ADGRB2: variants seen among roughly 807,000 people sequenced by gnomAD.
ADGRB2 encodes the protein brain-specific angiogenesis inhibitor 2.
Under a neutral mutation model 178.7 loss-of-function variants are expected in ADGRB2, and 47 were observed. That is an observed-to-expected ratio of 0.26 (90% CI 0.21 to 0.34). The LOEUF is 0.34. Among genes scored for constraint, ADGRB2 ranks in the 10% least tolerant of loss-of-function variants. The probability of loss-of-function intolerance (pLI) is 1.00; values close to 1 mark genes in which losing one functional copy is unlikely to be tolerated. For synonymous variants in ADGRB2, 870 were observed against 912.4 expected (o/e 0.95, Z 0.84); for missense variants, 1,584 against 2,180.8 (o/e 0.73, Z 5.45).
intron 4 of ADGRB2, among the ~76,000 whole-genome samples, chr1:31,748,059 A>T (rs1038667606): frequency 2.0e-5 from 3 of 152,192 alleles, no homozygotes; most frequent in Admixed American, 2.0e-4. Flanking sequence ...CCAAATGCGG[A>T]CACGTGAGAG....
Position 31,735,459 on chromosome 1 carries a change from G to A in ADGRB2, c.3353+121C>T. 4.4e-6 allele frequency: 6 copies of A among 1,362,494 alleles called. No homozygotes were observed. The highest frequency in any genetic ancestry group is 1.2e-5 in the South Asian group (1 of 80,786). The allele number at this position is 1,362,494 out of a possible 1,614,324, so 84.4% of individuals were successfully genotyped here. On this transcript the variant is annotated intron_variant, in intron 24 of 32. Coordinates refer to ENST00000373658, the MANE Select transcript of ADGRB2 (RefSeq NM_001364857.2). The surrounding 1 kb of genome is among the most constrained non-coding windows in gnomAD (Gnocchi z 6.0). ...GGGTGCCCACCTTGCCTGCAACCTT[G>A]ATGCACCAAGGTTGGGGAGCCCCGG...
Position 31,728,270 on chromosome 1 carries a change from T to C in ADGRB2, c.4427A>G (p.His1476Arg). The change falls in exon 31 of 33, where the codon CAC becomes CGC. Residue 1476 changes from histidine (H) to arginine (R), a missense_variant. This residue lies in a region of ADGRB2 where 865 missense variants were observed against 1,192.8 expected (regional missense o/e 0.73). Transcript: ENST00000373658. This position sits in a 1 kb window ranked among gnomAD's most constrained non-coding sequence, Gnocchi z 6.7. The part of the protein sequence containing the change: ...YSDLDFEKVM[H>R]TRKRHSELYH... ...GAGTTCTGAATGCCGTTTCCGGGTG[T>C]GCATCACCTTCTAGGGGCCACAGGG... is the stretch of plus-strand genomic sequence containing the variant. The C allele has an allele frequency of 6.2e-7, 1 of 1,613,944 alleles. No homozygotes were observed.
Position 31,759,021 on chromosome 1 carries a change from C to T in ADGRB2, c.-190-1510G>A, listed in dbSNP as rs943480505. Among the ~76,000 whole-genome samples, 2 of 152,174 alleles carry T rather than the reference C, an allele frequency of 1.3e-5. No homozygotes were observed. Among genetic ancestry groups the T allele is most frequent in the Non-Finnish European group, 1.5e-5 (1 of 68,032 alleles). On this transcript the variant is annotated intron_variant, in intron 1 of 32. Coordinates refer to ENST00000373658, the MANE Select transcript of ADGRB2 (RefSeq NM_001364857.2). The surrounding 1 kb of genome is among the most constrained non-coding windows in gnomAD (Gnocchi z 4.3). The stretch of plus-strand genomic sequence containing the variant: ...AGGGGAGGTAGGGGCTCATTATAAC[C>T]GGCCTCCCCTCCCCCACTTACAGCA...
rs931092897 is a variant in ADGRB2 at position 31,753,102 on chromosome 1, G to A, written c.838+2897C>T. Among the ~76,000 whole-genome samples the A allele has an allele frequency of 6.6e-6, 1 of 152,188 alleles. No homozygotes were observed. The highest frequency in any genetic ancestry group is 1.5e-5 in the Non-Finnish European group (1 of 68,032). On this transcript the variant is annotated intron_variant, in intron 4 of 32. Transcript: ENST00000373658. The surrounding 1 kb of genome is among the most constrained non-coding windows in gnomAD (Gnocchi z 4.1). ...CCTCCTCAGGATTAGAGGGTCAGTG[G>A]GCAGGAACTGCAGGCTGGCACTGGC...
At position 31,728,129 on chromosome 1, in the gene ADGRB2, C is replaced by T. The variant is rs200174725; in HGVS notation, c.4516-48G>A. The T allele has an allele frequency of 6.2e-7, 1 of 1,613,454 alleles. No homozygotes were observed. Among genetic ancestry groups the T allele is most frequent in the Non-Finnish European group, 8.5e-7 (1 of 1,179,812 alleles). On this transcript the variant is annotated intron_variant, in intron 31 of 32. Transcript: ENST00000373658. This position sits in a 1 kb window ranked among gnomAD's most constrained non-coding sequence, Gnocchi z 6.7. ...GGCTCCAACCCCAGGGGCCACTGCA[C>T]CAGGTCAGGCCCTGAGCTTCAGGGC...
At position 31,741,512 on chromosome 1, in the gene ADGRB2, G is replaced by A. The variant is rs2148958515; in HGVS notation, c.1688-33C>T. The stretch of plus-strand genomic sequence containing the variant: ...GCAATAGGACAGAGGTCTGGGCATG[G>A]GGGCCGAGCTCTCACCCACACTCCT... On this transcript the variant is annotated intron_variant, in intron 10 of 32. Coordinates refer to ENST00000373658, the MANE Select transcript of ADGRB2 (RefSeq NM_001364857.2). This position sits in a 1 kb window ranked among gnomAD's most constrained non-coding sequence, Gnocchi z 6.5. 1 of 1,580,812 alleles carries A rather than the reference G, an allele frequency of 6.3e-7. No individual in the cohort carries two copies. The highest frequency in any genetic ancestry group is 2.3e-5 in the East Asian group (1 of 43,612).
chr1:31,738,085 C>T, intron 18 of ADGRB2, 115 bp downstream of exon 18: 1 of 1,440,694 alleles, frequency 6.9e-7, no homozygotes, highest in Non-Finnish European at 9.4e-7. Flanking sequence ...CCCACAAGCG[C>T]ACCTGCAGAT....
chr1:31,735,690 G>C lies in ADGRB2; in HGVS notation c.3268-25C>G, dbSNP rs1434197935. The C allele has an allele frequency of 6.3e-7, 1 of 1,579,774 alleles. No individual in the cohort carries two copies. On this transcript the variant is annotated intron_variant, in intron 23 of 32. Transcript: ENST00000373658. This position sits in a 1 kb window ranked among gnomAD's most constrained non-coding sequence, Gnocchi z 6.0. ...CCTGGGGGCCCAGTAGAGTGGAGTG[G>C]GGGAGACAGGATCACCAGGTGCCCT... is the stretch of plus-strand genomic sequence containing the variant.
chr1:31,763,397 GA>G (rs1236300951), intron 1 of ADGRB2, among the ~76,000 whole-genome samples: 2 of 151,424 alleles, frequency 1.3e-5, no homozygotes, highest in African/African-American at 4.9e-5. Flanking sequence ...ATGGGGACAG[GA>G]AAGACTCCGG....
At chr1:31,749,716 A>G (rs1317777762) in intron 4 of ADGRB2, among the ~76,000 whole-genome samples, 1 of 152,268 alleles carries the variant, frequency 6.6e-6, no homozygotes, top group East Asian at 1.9e-4. Context: ...ATTCAAGACC[A>G]GCCTGGGAAA....
chr1:31,727,948 C>T lies in ADGRB2; in HGVS notation c.4572+77G>A, dbSNP rs750198819. The T allele has an allele frequency of 2.0e-6, 3 of 1,482,624 alleles. No individual in the cohort carries two copies. The highest frequency in any genetic ancestry group is 2.7e-6 in the Non-Finnish European group (3 of 1,112,334). The allele number at this position is 1,482,624 out of a possible 1,614,324, so 91.8% of individuals were successfully genotyped here. On this transcript the variant is annotated intron_variant, in intron 32 of 32. Coordinates refer to ENST00000373658, the MANE Select transcript of ADGRB2 (RefSeq NM_001364857.2). This position sits in a 1 kb window ranked among gnomAD's most constrained non-coding sequence, Gnocchi z 4.4. ...CCCTTGGTGAGACAGGCTGGGGTTG[C>T]CTGGGAGGGGCAGGAGGGCAGGGAG...
chr1:31,732,939 G>A (rs777384211), intron 26 of ADGRB2, 33 bp downstream of exon 26: 20 of 1,545,006 alleles, frequency 1.3e-5, no homozygotes, highest in Non-Finnish European at 1.7e-5. Flanking sequence ...CAGGTGTGGT[G>A]GGCACACACA....
Position 31,759,288 on chromosome 1 carries a change from G to C in ADGRB2, c.-190-1777C>G. ...AGGCTTACACTTGTACACATGCACA[G>C]AGGTGCACACGCATTCTCGACTGAG... On this transcript the variant is annotated intron_variant, in intron 1 of 32. Coordinates refer to ENST00000373658, the MANE Select transcript of ADGRB2 (RefSeq NM_001364857.2). The surrounding 1 kb of genome is among the most constrained non-coding windows in gnomAD (Gnocchi z 4.3). 1 of 779,616 alleles carries C rather than the reference G, an allele frequency of 1.3e-6. No homozygotes were observed. The highest frequency in any genetic ancestry group is 2.4e-6 in the Non-Finnish European group (1 of 417,922). 48.3% of individuals were successfully genotyped at this position (779,616 alleles called of 1,614,324 possible).
chr1:31,731,432 G>A lies in ADGRB2; in HGVS notation c.3761-13C>T. The A allele has an allele frequency of 6.4e-7, 1 of 1,568,410 alleles. No homozygotes were observed. The highest frequency in any genetic ancestry group is 8.7e-7 in the Non-Finnish European group (1 of 1,154,038). On this transcript the variant is annotated splice_polypyrimidine_tract_variant and intron_variant, in intron 28 of 32. Coordinates refer to ENST00000373658, the MANE Select transcript of ADGRB2 (RefSeq NM_001364857.2). Reference sequence around the variant, plus strand: ...TCCTTGAACAGCACTGGGGGCAGGAGTGGGAGGGAGGGGGTGAGTCCTGAG... The same window carrying A: ...TCCTTGAACAGCACTGGGGGCAGGAATGGGAGGGAGGGGGTGAGTCCTGAG...
chr1:31,742,620 G>A (rs1048547080), intron 7 of ADGRB2, among the ~76,000 whole-genome samples: 8 of 152,222 alleles, frequency 5.3e-5, no homozygotes, highest in African/African-American at 1.2e-4. Context: ...CCTCTTGATG[G>A]CGTCACAGGG....
chr1:31,734,747 A>G (rs1210609262), intron 25 of ADGRB2, among the ~76,000 whole-genome samples: 1 of 152,214 alleles, frequency 6.6e-6, no homozygotes, highest in Non-Finnish European at 1.5e-5. Context: ...TAAGTCTCAG[A>G]TTCTATGACA....
At chr1:31,745,243 C>T (rs1474502278) in intron 4 of ADGRB2, among the ~76,000 whole-genome samples, 4 of 152,198 alleles carry the variant, frequency 2.6e-5, no homozygotes, top group South Asian at 4.1e-4. Context: ...ACCCTGGCCC[C>T]GAGCCTATCT....
chr1:31,738,111 C>T (rs1645726897), intron 18 of ADGRB2, 89 bp downstream of exon 18: 1 of 1,552,788 alleles, frequency 6.4e-7, no homozygotes, highest in South Asian at 1.2e-5. Flanking sequence ...TTCAGGATCA[C>T]CCAGGCGCCT....
In ADGRB2 at chr1:31,738,841, G is replaced by A. The variant is rs1345207558; in HGVS notation, c.2592C>T (p.Tyr864=). 2 of 1,613,928 alleles carry A rather than the reference G, an allele frequency of 1.2e-6. No homozygotes were observed. Among genetic ancestry groups the A allele is most frequent in the African/African-American group, 1.3e-5 (1 of 74,948 alleles). Reference sequence around the variant, plus strand: ...ATGGATCTCCACTCACATTGATGATGTAGGAGAGCTCCACAGTGATGAGGG... The same window carrying A: ...ATGGATCTCCACTCACATTGATGATATAGGAGAGCTCCACAGTGATGAGGG... The part of the protein sequence containing the change: ...AEPLITVELS[Y]IINGTTDPHC... The change falls in exon 16 of 33, where the codon TAC becomes TAT. Residue 864 remains tyrosine, a synonymous_variant. Transcript: ENST00000373658.
Sources: allele counts gnomAD v4.1 joint callset (sites outside exome capture counted in the v4.1 genomes callset), GRCh38; gene constraint gnomAD v4.1.1; regional missense constraint gnomAD v4.1.1; non-coding constraint Gnocchi (gnomAD v3.1); transcripts MANE v1.5; gene names NCBI Gene and HGNC (gene_info 2026-07-23, HGNC 2026-07-21).